ZSCAN22: variants seen among roughly 807,000 people sequenced by gnomAD.
ZSCAN22 encodes the protein zinc finger and SCAN domain containing 22, also known as zinc finger and SCAN domain-containing protein 22.
A neutral mutation model predicts 12.4 loss-of-function variants in ZSCAN22; 7 were observed. The ratio of observed to expected loss-of-function variants is 0.57; its 90% CI spans 0.32 to 1.06. The LOEUF is 1.06. ZSCAN22 is among the 50% of genes least tolerant of loss of function. The pLI, the probability that ZSCAN22 is intolerant of heterozygous loss-of-function variation, is 0.04. For missense variants in ZSCAN22, 576 were observed against 631.7 expected (o/e 0.91, Z 0.94); for synonymous variants, 243 against 255.9 (o/e 0.95, Z 0.48).
Position 58,335,321 on chromosome 19 carries a change from T to C in ZSCAN22, c.403+116T>C. 3 of 1,320,980 alleles carry C rather than the reference T, an allele frequency of 2.3e-6. No homozygotes were observed. Among genetic ancestry groups the C allele is most frequent in the Non-Finnish European group, 3.0e-6 (3 of 991,432 alleles). The allele number at this position is 1,320,980 out of a possible 1,614,324, so 81.8% of individuals were successfully genotyped here. A position where few individuals can be genotyped will look rare whatever the true frequency, so the allele number is the denominator to read the frequency against. On this transcript the variant is annotated intron_variant, in intron 2 of 2. Coordinates refer to ENST00000329665, the MANE Select transcript of ZSCAN22 (RefSeq NM_181846.3). This position sits in a 1 kb window ranked among gnomAD's most constrained non-coding sequence, Gnocchi z 4.1. Reference sequence around the variant, plus strand: ...CATGCACCCATTCTCACATTTGTACTTTACCGTAACTCTCACACACTGTTG... The same window carrying C: ...CATGCACCCATTCTCACATTTGTACCTTACCGTAACTCTCACACACTGTTG...
chr19:58,336,644 G>A (rs143948278), intron 2 of ZSCAN22, among the ~76,000 whole-genome samples: 1 of 152,266 alleles, frequency 6.6e-6, no homozygotes, highest in African/African-American at 2.4e-5. Context: ...CTGTGATCCT[G>A]TACCAGTTAC....
In ZSCAN22 at chr19:58,338,807, AG is replaced by A. The variant is rs1297261548; in HGVS notation, c.961del (p.Ala321ArgfsTer19). ...HLAQHQVVHT[G>X]AKPHECKECG... ...TCGCCCAGCACCAGGTTGTCCACAC[AG>A]GGGCGAAGCCCCATGAGTGTAAGGA... On this transcript the variant is annotated frameshift_variant, in exon 3 of 3. Coordinates refer to ENST00000329665, the MANE Select transcript of ZSCAN22 (RefSeq NM_181846.3). LOFTEE classifies it low-confidence loss of function (END_TRUNC). This position sits in a 1 kb window ranked among gnomAD's most constrained non-coding sequence, Gnocchi z 5.4. 1 of 1,613,200 alleles carries A rather than the reference AG, an allele frequency of 6.2e-7. No individual in the cohort carries two copies. Among genetic ancestry groups the A allele is most frequent in the African/African-American group, 1.3e-5 (1 of 74,660 alleles).
intron 1 of ZSCAN22, among the ~76,000 whole-genome samples, chr19:58,332,526 C>T (rs1402905540): frequency 2.0e-5 from 3 of 151,948 alleles, no homozygotes; most frequent in Non-Finnish European, 4.4e-5. Flanking sequence ...CTACCCACCT[C>T]GGCCTCCCAA....
rs574215525 is a variant in ZSCAN22 at position 58,336,118 on chromosome 19, C to G, written c.403+913C>G. Among the ~76,000 whole-genome samples, 4 of 152,326 alleles carry G rather than the reference C, an allele frequency of 2.6e-5. No homozygotes were observed. The East Asian group carries it at 7.7e-4, about 29-fold the overall frequency. On this transcript the variant is annotated intron_variant, in intron 2 of 2. Coordinates refer to ENST00000329665, the MANE Select transcript of ZSCAN22 (RefSeq NM_181846.3). Reference sequence around the variant, plus strand: ...CTCAGTAGATCCAACCGCTGCTGCTCTTCCTGGCCATGTGACTCCCTTGTG... The same window carrying G: ...CTCAGTAGATCCAACCGCTGCTGCTGTTCCTGGCCATGTGACTCCCTTGTG...
In ZSCAN22 at chr19:58,334,860, C is replaced by A. The variant is rs2051773123; in HGVS notation, c.58C>A (p.Gln20Lys). 6.2e-7 allele frequency: 1 copy of A among 1,613,644 alleles called. No homozygotes were observed. The highest frequency in any genetic ancestry group is 8.5e-7 in the Non-Finnish European group (1 of 1,180,006). ...PVPWEEDSFL[Q>K]VKVEEEEEAS... ...GCCGTGGGAAGAGGACAGCTTCCTT[C>A]AAGTGAAGGTGGAGGAGGAAGAGGA... Residue 20 changes from glutamine (Q) to lysine (K), a missense_variant, in exon 2 of 3, where the codon CAA becomes AAA. Transcript: ENST00000329665.
rs2051874006 is a variant in ZSCAN22 at position 58,341,434 on chromosome 19, CTCA to C, written c.*2113_*2115del. On this transcript the variant is annotated 3_prime_UTR_variant, in exon 3 of 3. Coordinates refer to ENST00000329665, the MANE Select transcript of ZSCAN22 (RefSeq NM_181846.3). ...TTCATGCCTCTGTTTCTGTGATGGT[CTCA>C]TCATATGTGAACCATTTGACCTGGC... 6.6e-6 allele frequency: 1 copy of C among 152,188 alleles called. No homozygotes were observed. Among genetic ancestry groups the C allele is most frequent in the Non-Finnish European group, 1.5e-5 (1 of 68,056 alleles). The allele number at this position is 152,188 out of a possible 1,614,324, so 9.4% of individuals were successfully genotyped here.
chr19:58,336,784 C>A (rs1299339974), intron 2 of ZSCAN22, among the ~76,000 whole-genome samples: 1 of 152,156 alleles, frequency 6.6e-6, no homozygotes, highest in Non-Finnish European at 1.5e-5. Context: ...GGGCCCAGCA[C>A]GACAAGAGCC....
chr19:58,328,894 A>G (rs1879695607), intron 1 of ZSCAN22, among the ~76,000 whole-genome samples: 1 of 152,166 alleles, frequency 6.6e-6, no homozygotes, highest in Non-Finnish European at 1.5e-5. Flanking sequence ...TGAACCTGCT[A>G]TAGGGCAAGT....
At chr19:58,327,958 A>G (rs2051675383) in intron 1 of ZSCAN22, among the ~76,000 whole-genome samples, 1 of 152,066 alleles carries the variant, frequency 6.6e-6, no homozygotes, top group African/African-American at 2.4e-5. Context: ...TCAAGCGATT[A>G]TCCTGCGTCA....
rs1271093622 is a variant in ZSCAN22 at position 58,335,659 on chromosome 19, T to C, written c.403+454T>C. 6.6e-6 allele frequency among the ~76,000 whole-genome samples: 1 copy of C among 152,166 alleles called. No homozygotes were observed. Among genetic ancestry groups the C allele is most frequent in the Non-Finnish European group, 1.5e-5 (1 of 68,024 alleles). On this transcript the variant is annotated intron_variant, in intron 2 of 2. Transcript: ENST00000329665. The surrounding 1 kb of genome is among the most constrained non-coding windows in gnomAD (Gnocchi z 4.1). ...GCCCCCACTGGCCTGGTTGGGATCT[T>C]ATGTTTGTGTTTGGCCAACCAAATC...
At chr19:58,331,768 A>C (rs2051729691) in intron 1 of ZSCAN22, among the ~76,000 whole-genome samples, 1 of 151,278 alleles carries the variant, frequency 6.6e-6, no homozygotes, top group Non-Finnish European at 1.5e-5. Flanking sequence ...GATGGTCTCG[A>C]TCTCTTGACC....
rs571496187 is a variant in ZSCAN22, at chr19:58,342,252, G to A, written c.*2926G>A. On this transcript the variant is annotated 3_prime_UTR_variant, in exon 3 of 3. Coordinates refer to ENST00000329665, the MANE Select transcript of ZSCAN22 (RefSeq NM_181846.3). ...GAATGTAACTGACCAAAGTCACACTGCCAGGAACTGGAAGCACTAGGATTT... is the reference window on the plus strand; with the variant it reads ...GAATGTAACTGACCAAAGTCACACTACCAGGAACTGGAAGCACTAGGATTT... 1 of 152,334 alleles carries A rather than the reference G, an allele frequency of 6.6e-6. No homozygotes were observed. Among genetic ancestry groups the A allele is most frequent in the African/African-American group, 2.4e-5 (1 of 41,572 alleles). 9.4% of individuals were successfully genotyped at this position (152,334 alleles called of 1,614,324 possible). A position where few individuals can be genotyped will look rare whatever the true frequency, so the allele number is the denominator to read the frequency against.
At position 58,335,063 on chromosome 19, in the gene ZSCAN22, G is replaced by A. The variant is rs1013008734; in HGVS notation, c.261G>A (p.Gln87=). Residue 87 remains glutamine, a synonymous_variant, in exon 2 of 3, where the codon CAG becomes CAA. Transcript: ENST00000329665. The surrounding 1 kb of genome is among the most constrained non-coding windows in gnomAD (Gnocchi z 4.1). The part of the protein sequence containing the change: ...WLQPEAHSKE[Q]ILELLVLEQF... ...AGCCCGAGGCGCACTCCAAGGAGCA[G>A]ATACTGGAGCTGCTGGTGCTGGAGC... 1.2e-6 allele frequency: 2 copies of A among 1,614,142 alleles called. No homozygotes were observed. The highest frequency in any genetic ancestry group is 1.7e-6 in the Non-Finnish European group (2 of 1,180,046).
At chr19:58,334,461 T>A (rs934445513) in intron 1 of ZSCAN22, among the ~76,000 whole-genome samples, 5 of 152,040 alleles carry the variant, frequency 3.3e-5, no homozygotes, top group African/African-American at 9.7e-5. Flanking sequence ...GGACCACAGG[T>A]GCCCGCCACC....
At chr19:58,331,547 T>G (rs979382597) in intron 1 of ZSCAN22, among the ~76,000 whole-genome samples, 1 of 135,898 alleles carries the variant, frequency 7.4e-6, no homozygotes, top group African/African-American at 2.6e-5. Context: ...TTATTATTAT[T>G]ATTATTATTA....
rs2051787795 is a variant in ZSCAN22 at position 58,335,605 on chromosome 19, G to T, written c.403+400G>T. The stretch of plus-strand genomic sequence containing the variant: ...GTCTTACCAATGTAGAAACCCCGGG[G>T]TAATAACAATAAGAGGTCCCTGGTC... On this transcript the variant is annotated intron_variant, in intron 2 of 2. Coordinates refer to ENST00000329665, the MANE Select transcript of ZSCAN22 (RefSeq NM_181846.3). This position sits in a 1 kb window ranked among gnomAD's most constrained non-coding sequence, Gnocchi z 4.1. 6.6e-6 allele frequency among the ~76,000 whole-genome samples: 1 copy of T among 152,218 alleles called. No individual in the cohort carries two copies. The highest frequency in any genetic ancestry group is 6.5e-5 in the Admixed American group (1 of 15,280).
In ZSCAN22 at chr19:58,339,142, C is replaced by G. The variant is rs1271322523; in HGVS notation, c.1292C>G (p.Ser431Cys). The change falls in exon 3 of 3, where the codon TCT (serine) becomes TGT (cysteine). Residue 431 changes from serine (S) to cysteine (C), a missense_variant. Coordinates refer to ENST00000329665, the MANE Select transcript of ZSCAN22 (RefSeq NM_181846.3). The surrounding 1 kb of genome is among the most constrained non-coding windows in gnomAD (Gnocchi z 5.6). Reference protein sequence around the residue: ...SALIRHLRIHSGEKPYQCKVC... With the variant: ...SALIRHLRIHCGEKPYQCKVC... ...CTGATCCGACATCTGAGAATCCACT[C>G]TGGAGAGAAGCCATATCAGTGTAAG... 5.0e-6 allele frequency: 8 copies of G among 1,614,134 alleles called. No individual in the cohort carries two copies. In the African/African-American group the frequency reaches 9.3e-5, roughly 19 times the overall value.
rs2051697188 is a variant in ZSCAN22 at position 58,329,465 on chromosome 19, T to C, written c.-52+2351T>C. ...CTAAGTCTTTGAGTAAGGAGTAGTA[T>C]GTGGCCAAAGCAAAGTGTCGAGGTC... On this transcript the variant is annotated intron_variant, in intron 1 of 2. Transcript: ENST00000329665. The surrounding 1 kb of genome is among the most constrained non-coding windows in gnomAD (Gnocchi z 4.1). Among the ~76,000 whole-genome samples, 1 of 152,214 alleles carries C rather than the reference T, an allele frequency of 6.6e-6. No individual in the cohort carries two copies. Among genetic ancestry groups the C allele is most frequent in the Non-Finnish European group, 1.5e-5 (1 of 68,034 alleles).
Position 58,335,845 on chromosome 19 carries a change from C to T in ZSCAN22, c.403+640C>T, listed in dbSNP as rs2051790512. 3.3e-5 allele frequency among the ~76,000 whole-genome samples: 5 copies of T among 152,224 alleles called. No homozygotes were observed. Among genetic ancestry groups the T allele is most frequent in the Admixed American group, 3.3e-4 (5 of 15,288 alleles). On this transcript the variant is annotated intron_variant, in intron 2 of 2. Transcript: ENST00000329665. The surrounding 1 kb of genome is among the most constrained non-coding windows in gnomAD (Gnocchi z 4.1). ...CCTCCAGGATTTGGGTGGGTCAGAC[C>T]TGCCCCAGGCTCAGCTGGGCACTGT... is the stretch of plus-strand genomic sequence containing the variant.
Sources: allele counts gnomAD v4.1 joint callset (sites outside exome capture counted in the v4.1 genomes callset), GRCh38; gene constraint gnomAD v4.1.1; non-coding constraint Gnocchi (gnomAD v3.1); transcripts MANE v1.5; gene names NCBI Gene and HGNC (gene_info 2026-07-23, HGNC 2026-07-21).